GRID1: variants seen among roughly 807,000 people sequenced by gnomAD.
GRID1 encodes the protein glutamate receptor ionotropic, delta-1.
In GRID1, 28 loss-of-function variants were observed where a neutral mutation model predicts 98.0. The ratio of observed to expected loss-of-function variants is 0.29; its 90% CI spans 0.21 to 0.39. The LOEUF (loss-of-function observed/expected upper bound fraction) is 0.39, where lower values mean the gene tolerates loss of function less well. Ranked by LOEUF, GRID1 falls within the 10% of genes least tolerant of loss-of-function variation. The pLI is 1.00. For synonymous variants in GRID1, 553 were observed against 538.5 expected (o/e 1.03, Z -0.37); for missense variants, 1,111 against 1,340.5 (o/e 0.83, Z 2.67).
At chr10:86,171,016 T>C (rs1002091759) in intron 3 of GRID1, among the ~76,000 whole-genome samples, 10 of 152,126 alleles carry the variant, frequency 6.6e-5, no homozygotes, top group African/African-American at 2.2e-4. Flanking sequence ...GACTTCCTTC[T>C]GAGGCAGTGG....
chr10:86,028,352 G>A (rs962617693), intron 4 of GRID1, among the ~76,000 whole-genome samples: 3 of 152,094 alleles, frequency 2.0e-5, no homozygotes, highest in African/African-American at 7.2e-5. Context: ...ACTCATCAAG[G>A]CTATGGAATT....
chr10:85,762,505 T>A (rs1842156587), intron 8 of GRID1, among the ~76,000 whole-genome samples: 2 of 152,180 alleles, frequency 1.3e-5, no homozygotes. Flanking sequence ...GTCCCAGACA[T>A]TCTACTGTGG....
chr10:86,086,372 G>A (rs984746786), intron 4 of GRID1, among the ~76,000 whole-genome samples: 6 of 152,166 alleles, frequency 3.9e-5, no homozygotes, highest in African/African-American at 1.4e-4. Flanking sequence ...ATGAACAGAT[G>A]AATATGATCT....
intron 2 of GRID1, among the ~76,000 whole-genome samples, chr10:86,286,133 T>C (rs1428608210): frequency 6.6e-6 from 1 of 152,120 alleles, no homozygotes; most frequent in East Asian, 1.9e-4. Context: ...CCTGTAGGTA[T>C]AGGTATAGGT....
chr10:85,851,695 G>A (rs997503627), intron 8 of GRID1, among the ~76,000 whole-genome samples: 18 of 152,228 alleles, frequency 1.2e-4, no homozygotes, highest in African/African-American at 4.3e-4. Flanking sequence ...AATCTTTGCA[G>A]GGAATGCTGC....
chr10:85,621,874 T>G (rs1204539503), intron 13 of GRID1, among the ~76,000 whole-genome samples: 1 of 152,178 alleles, frequency 6.6e-6, no homozygotes, highest in African/African-American at 2.4e-5. Flanking sequence ...AATGTTGACT[T>G]ATGACCTAAT....
chr10:86,261,630 TAAG>T, intron 2 of GRID1, among the ~76,000 whole-genome samples: 1 of 152,140 alleles, frequency 6.6e-6, no homozygotes, highest in South Asian at 2.1e-4. Context: ...GTGGATCAGG[TAAG>T]AAGGAGCAAG....
intron 12 of GRID1, among the ~76,000 whole-genome samples, chr10:85,693,655 A>G (rs1382307744): frequency 6.6e-6 from 1 of 152,188 alleles, no homozygotes; most frequent in African/African-American, 2.4e-5. Context: ...ACTGATCTTT[A>G]GCAAAGTCAA....
chr10:85,977,409 A>C (rs1445905946), intron 4 of GRID1, among the ~76,000 whole-genome samples: 1 of 152,170 alleles, frequency 6.6e-6, no homozygotes, highest in Non-Finnish European at 1.5e-5. Context: ...TGCAGACCCC[A>C]CCTAAAGGGA....
intron 13 of GRID1, chr10:85,645,419 C>T (rs1280593384): frequency 6.6e-6 from 1 of 152,220 alleles, no homozygotes; most frequent in Non-Finnish European, 1.5e-5. Context: ...GAGCATCATC[C>T]TTTGCAGTGC....
chr10:86,080,990 C>A (rs1843970160), intron 4 of GRID1, among the ~76,000 whole-genome samples: 1 of 152,088 alleles, frequency 6.6e-6, no homozygotes, highest in Non-Finnish European at 1.5e-5. Context: ...GCCCCAGACA[C>A]AGAGAGGCAG....
chr10:85,829,431 G>A (rs541221834), intron 8 of GRID1, among the ~76,000 whole-genome samples: 1 of 152,214 alleles, frequency 6.6e-6, no homozygotes, highest in South Asian at 2.1e-4. Context: ...ATTCAACACA[G>A]TATTGGAAAT....
At chr10:85,811,079 T>C (rs1333879759) in intron 8 of GRID1, among the ~76,000 whole-genome samples, 1 of 152,166 alleles carries the variant, frequency 6.6e-6, no homozygotes, top group African/African-American at 2.4e-5. Flanking sequence ...AGAAGCTGTG[T>C]CATCACCACC....
intron 4 of GRID1, among the ~76,000 whole-genome samples, chr10:86,042,726 C>T (rs1490353832): frequency 6.6e-6 from 1 of 152,152 alleles, no homozygotes; most frequent in South Asian, 2.1e-4. Flanking sequence ...TTCATCTTTA[C>T]CTCTAAACAT....
chr10:86,283,776 G>A (rs1847389463), intron 2 of GRID1, among the ~76,000 whole-genome samples: 1 of 143,056 alleles, frequency 7.0e-6, no homozygotes, highest in Admixed American at 7.0e-5. Context: ...ACACACACCT[G>A]CATACACACA....
At chr10:85,979,661 G>C (rs567028965) in intron 4 of GRID1, among the ~76,000 whole-genome samples, 4 of 152,238 alleles carry the variant, frequency 2.6e-5, no homozygotes, top group Admixed American at 6.5e-5. Context: ...CATCTGCAAA[G>C]ACCCTGTCTC....
intron 15 of GRID1, among the ~76,000 whole-genome samples, chr10:85,611,301 C>A (rs977981091): frequency 1.3e-5 from 2 of 152,192 alleles, no homozygotes; most frequent in Non-Finnish European, 2.9e-5. Flanking sequence ...TGTGAAGGGA[C>A]AAAGCTAAAA....
At chr10:86,226,965 G>T (rs1846361116) in intron 2 of GRID1, among the ~76,000 whole-genome samples, 1 of 152,142 alleles carries the variant, frequency 6.6e-6, no homozygotes, top group Admixed American at 6.5e-5. Flanking sequence ...GCTGGCACAG[G>T]CCTCCTGCCC....
At chr10:85,978,581 C>T (rs1842504221) in intron 4 of GRID1, among the ~76,000 whole-genome samples, 1 of 152,072 alleles carries the variant, frequency 6.6e-6, no homozygotes. Flanking sequence ...AAAGAGGTTC[C>T]TCCAAATTGT....
Sources: gnomAD v4.1 joint callset for allele counts (sites outside exome capture counted in the v4.1 genomes callset) on GRCh38, gnomAD v4.1.1 for gene constraint, MANE v1.5 for transcripts, NCBI Gene and HGNC (gene_info 2026-07-23, HGNC 2026-07-21) for gene names.